ZNF761: variants seen among roughly 807,000 people sequenced by gnomAD.
ZNF761 encodes zinc finger protein 761.
A neutral mutation model predicts 59.9 loss-of-function variants in ZNF761; 43 were observed. The ratio of observed to expected loss-of-function variants is 0.72; its 90% CI spans 0.56 to 0.92. The LOEUF (loss-of-function observed/expected upper bound fraction) is 0.92. Ranked by LOEUF, ZNF761 falls within the 40% of genes least tolerant of loss-of-function variation. The pLI, the probability that ZNF761 is intolerant of heterozygous loss-of-function variation, is 0.00. For synonymous variants in ZNF761, 294 were observed against 304.8 expected (o/e 0.96, Z 0.37); for missense variants, 850 against 906.1 (o/e 0.94, Z 0.79).
At chr19:53,451,298 A>T (rs1223788486) in intron 4 of ZNF761, among the ~76,000 whole-genome samples, 1 of 151,972 alleles carries the variant, frequency 6.6e-6, no homozygotes, top group Non-Finnish European at 1.5e-5. Flanking sequence ...CCAACCTCCA[A>T]CTCCCAGGTT....
At chr19:53,449,746 T>A in intron 4 of ZNF761, 108 bp downstream of exon 4, 6 of 1,566,406 alleles carry the variant, frequency 3.8e-6, no homozygotes, top group Non-Finnish European at 5.2e-6. Flanking sequence ...TAGAGTGCAA[T>A]GGTGTGATCA....
Position 53,456,161 on chromosome 19 carries a change from T to C in ZNF761, c.1654T>C (p.Cys552Arg), listed in dbSNP as rs774681537. ...RLHSGEKPYK[C>R]KECGKTFNQQ... ...TCATTCTGGAGAGAAACCTTACAAGTGTAAGGAGTGTGGCAAGACCTTCAA... is the reference window on the plus strand; with the variant it reads ...TCATTCTGGAGAGAAACCTTACAAGCGTAAGGAGTGTGGCAAGACCTTCAA... Residue 552 changes from cysteine to arginine, a missense_variant, in exon 5 of 5, where the codon TGT becomes CGT. Cys to Arg is a radical substitution (Grantham distance 180). Transcript: ENST00000684525. The C allele has an allele frequency of 6.8e-6, 11 of 1,614,038 alleles. No homozygotes were observed. The South Asian group carries it at 9.9e-5, about 15-fold the overall frequency.
chr19:53,439,700 G>T (rs59449128), intron 1 of ZNF761, among the ~76,000 whole-genome samples: 46,366 of 152,004 alleles, frequency 0.31, 7,592 homozygotes, highest in Non-Finnish European at 0.36. Flanking sequence ...TGCAAATATT[G>T]CACTGGCCTG....
At chr19:53,444,607 C>T (rs1341196836) in intron 1 of ZNF761, 2 of 152,182 alleles carry the variant, frequency 1.3e-5, no homozygotes, top group East Asian at 1.9e-4. Context: ...ACTCAGAGAC[C>T]AGTGCCGATG....
Position 53,456,476 on chromosome 19 carries a change from A to C in ZNF761, c.1969A>C (p.Thr657Pro). 1 of 1,613,500 alleles carries C rather than the reference A, an allele frequency of 6.2e-7. No individual in the cohort carries two copies. The highest frequency in any genetic ancestry group is 8.5e-7 in the Non-Finnish European group (1 of 1,179,838). The change falls in exon 5 of 5, where the codon ACT (threonine) becomes CCT (proline). Residue 657 changes from threonine (T) to proline (P), a missense_variant. Coordinates refer to ENST00000684525, the MANE Select transcript of ZNF761 (RefSeq NM_001289951.2). ...CCTTGAAGGACATAGGAGAATTCAT[A>C]CTGGAGAGAAACCTTACAAGTGTAA... ...SNLEGHRRIH[T>P]GEKPYKCNEC...
At position 53,455,385 on chromosome 19, in the gene ZNF761, C is replaced by T. The variant is rs765647379; in HGVS notation, c.878C>T (p.Thr293Ile). 6.2e-7 allele frequency: 1 copy of T among 1,614,022 alleles called. No homozygotes were observed. The highest frequency in any genetic ancestry group is 1.1e-5 in the South Asian group (1 of 91,068). Residue 293 changes from threonine (T) to isoleucine (I), a missense_variant, in exon 5 of 5, where the codon ACT becomes ATT. Transcript: ENST00000684525. Reference sequence around the variant, plus strand: ...CTTACATGCCATCGTAGACTTCATACTGGAGAGAAACCTTACAAATGTGAA... The same window carrying T: ...CTTACATGCCATCGTAGACTTCATATTGGAGAGAAACCTTACAAATGTGAA... ...SSLTCHRRLH[T>I]GEKPYKCEEC... is the part of the protein sequence containing the mutation.
chr19:53,451,872 C>T (rs1462714123), intron 4 of ZNF761, among the ~76,000 whole-genome samples: 2 of 151,934 alleles, frequency 1.3e-5, no homozygotes, highest in Non-Finnish European at 2.9e-5. Context: ...CAGGTGTGAA[C>T]CACCATGCCT....
rs2086108895 is a variant in ZNF761, at chr19:53,442,278, A to C, written c.-184-3949A>C. The C allele has an allele frequency of 3.0e-6, 4 of 1,341,304 alleles. No individual in the cohort carries two copies. In the South Asian group the frequency reaches 3.5e-5, roughly 12 times the overall value. The allele number at this position is 1,341,304 out of a possible 1,614,324, so 83.1% of individuals were successfully genotyped here. On this transcript the variant is annotated intron_variant, in intron 1 of 4. Transcript: ENST00000684525. ...TAAGTTGGTGATCATTGAAGGAGAC[A>C]TGGGATGCACAGAGGAACGAGCTGA...
intron 4 of ZNF761, chr19:53,449,979 T>C (rs2086202835): frequency 2.1e-6 from 1 of 479,644 alleles, no homozygotes; most frequent in Admixed American, 3.8e-5. Context: ...CCAACCACCA[T>C]ACCTAATTAT....
chr19:53,437,553 G>A (rs1272967028), intron 1 of ZNF761, among the ~76,000 whole-genome samples: 1 of 152,128 alleles, frequency 6.6e-6, no homozygotes, highest in African/African-American at 2.4e-5. Flanking sequence ...TCTGGGAGGA[G>A]AGGCATAGCT....
chr19:53,441,320 C>T (rs1220045816), intron 1 of ZNF761, among the ~76,000 whole-genome samples: 2 of 152,068 alleles, frequency 1.3e-5, no homozygotes, highest in Non-Finnish European at 1.5e-5. Context: ...ACAAAAGGGA[C>T]ATCAAAAGTG....
At chr19:53,447,335 T>A (rs1380803906) in intron 3 of ZNF761, 52 bp downstream of exon 3, 2 of 1,606,354 alleles carry the variant, frequency 1.2e-6, no homozygotes, top group African/African-American at 2.7e-5. Context: ...TCAGAAATGC[T>A]GGGCCTTGGA....
At chr19:53,438,722 C>G (rs773729387) in intron 1 of ZNF761, among the ~76,000 whole-genome samples, 1 of 152,156 alleles carries the variant, frequency 6.6e-6, no homozygotes, top group Non-Finnish European at 1.5e-5. Context: ...GGCTTGCTTC[C>G]TCTCATAGCC....
chr19:53,434,654 C>T (rs2086017703), intron 1 of ZNF761, among the ~76,000 whole-genome samples: 5 of 152,182 alleles, frequency 3.3e-5, no homozygotes, highest in Admixed American at 3.3e-4. Flanking sequence ...CCTTAGTGAG[C>T]AACCCAGTAT....
intron 1 of ZNF761, 37 bp downstream of exon 1, chr19:53,432,065 C>G (rs910732909): frequency 6.6e-6 from 1 of 152,530 alleles, no homozygotes; most frequent in African/African-American, 2.4e-5. Context: ...GTCTGCTCTT[C>G]CAGGTTCCTG....
chr19:53,449,377 T>G, intron 3 of ZNF761, 135 bp from the exon 4 acceptor site: 1 of 1,602,336 alleles, frequency 6.2e-7, no homozygotes, highest in Non-Finnish European at 8.5e-7. Flanking sequence ...CAAAATGCGG[T>G]GAAAAATCCC....
Position 53,447,184 on chromosome 19 carries a change from T to C in ZNF761, c.-73-12T>C. On this transcript the variant is annotated splice_polypyrimidine_tract_variant and intron_variant, in intron 2 of 4. Transcript: ENST00000684525. ...GATTCTGAGCAATAAACAACATATT[T>C]CTAACATTCAGGATTGACTTCTAAA... 6.5e-7 allele frequency: 1 copy of C among 1,542,642 alleles called. No homozygotes were observed. The highest frequency in any genetic ancestry group is 8.8e-7 in the Non-Finnish European group (1 of 1,130,648).
intron 1 of ZNF761, among the ~76,000 whole-genome samples, chr19:53,435,286 G>T (rs1255927390): frequency 3.1e-4 from 35 of 114,276 alleles, no homozygotes; most frequent in Non-Finnish European, 5.2e-4. Context: ...ATAAATACAA[G>T]TCCTTTTTTT....
chr19:53,456,955 A>T lies in ZNF761; in HGVS notation c.*207A>T. On this transcript the variant is annotated 3_prime_UTR_variant, in exon 5 of 5. Coordinates refer to ENST00000684525, the MANE Select transcript of ZNF761 (RefSeq NM_001289951.2). ...TTACAGTCGCACATCAAACCGTGAAAGACAGGAGAATTCATACTGGAGAGA... is the reference window on the plus strand; with the variant it reads ...TTACAGTCGCACATCAAACCGTGAATGACAGGAGAATTCATACTGGAGAGA... 1.3e-6 allele frequency: 1 copy of T among 744,288 alleles called. No homozygotes were observed. The highest frequency in any genetic ancestry group is 2.3e-6 in the Non-Finnish European group (1 of 437,954). The allele number at this position is 744,288 out of a possible 1,614,324, so 46.1% of individuals were successfully genotyped here.
Sources: gnomAD v4.1 joint callset for allele counts (sites outside exome capture counted in the v4.1 genomes callset) on GRCh38, gnomAD v4.1.1 for gene constraint, MANE v1.5 for transcripts, NCBI Gene and HGNC (gene_info 2026-07-23, HGNC 2026-07-21) for gene names.